Variants in HAGH observed in about 807,000 individuals in gnomAD.
HAGH encodes hydroxyacylglutathione hydrolase, mitochondrial.
In HAGH, 29 loss-of-function variants were observed where a neutral mutation model predicts 35.1. The observed-to-expected ratio is 0.83, with a 90% CI of 0.62 to 1.13. The LOEUF (loss-of-function observed/expected upper bound fraction) is 1.13, where lower values mean the gene tolerates loss of function less well. Among genes scored for constraint, HAGH ranks in the 50% most tolerant of loss-of-function variants. The probability of loss-of-function intolerance (pLI) is 0.00; values close to 1 mark genes in which losing one functional copy is unlikely to be tolerated. For missense variants in HAGH, 478 were observed against 419.6 expected, an observed-to-expected ratio of 1.14 and a Z score of -1.22; for synonymous variants, 225 against 176.1, an observed-to-expected ratio of 1.28 and a Z score of -2.20.
At chr16:1,814,979 G>A (rs1357406253) in intron 7 of HAGH, among the ~76,000 whole-genome samples, 1 of 150,438 alleles carries the variant, frequency 6.6e-6, no homozygotes, top group Non-Finnish European at 1.5e-5. Flanking sequence ...ATCTCACAAA[G>A]ACTTGTTTCC....
At chr16:1,809,941 A>G in intron 7 of HAGH, 108 bp from the exon 8 acceptor site, 1 of 781,156 alleles carries the variant, frequency 1.3e-6, no homozygotes, top group Admixed American at 1.9e-5. Flanking sequence ...AGGCAGATGG[A>G]TCACTTGAGC....
Position 1,819,077 on chromosome 16 carries a change from C to A in HAGH, c.541+38G>T, listed in dbSNP as rs77870008. ...CCTGGCAGGAGACACAGGGTCTTCA[C>A]GAAGAACCCCCGCCCCCACCCACAC... is the stretch of plus-strand genomic sequence containing the variant. On this transcript the variant is annotated intron_variant, in intron 5 of 8. Transcript: ENST00000397356. 186 of 1,319,766 alleles carry A rather than the reference C, an allele frequency of 1.4e-4. No homozygotes were observed. The African/African-American group carries it at 2.4e-3, about 17-fold the overall frequency. 81.8% of individuals were successfully genotyped at this position (1,319,766 alleles called of 1,614,324 possible).
Position 1,819,764 on chromosome 16 carries a change from G to A in HAGH, c.432+133C>T, listed in dbSNP as rs529662158. ...TGCCTAGACAGAGAAGACCATCCAC[G>A]CTGCCACAGAGGACCACTGAGAGCA... On this transcript the variant is annotated intron_variant, in intron 4 of 8. Transcript: ENST00000397356. 298 of 692,280 alleles carry A rather than the reference G, an allele frequency of 4.3e-4. 1 individual carries two copies. The highest frequency in any genetic ancestry group is 4.3e-3 in the African/African-American group (241 of 56,588). 42.9% of individuals were successfully genotyped at this position (692,280 alleles called of 1,614,324 possible).
chr16:1,816,114 G>A lies in HAGH; in HGVS notation c.747+779C>T, dbSNP rs910356605. The stretch of plus-strand genomic sequence containing the variant: ...AGCCACCACGCCCGGCCAGCAGGGA[G>A]AATTTCTTGAACCCGGGAGGTGCTG... On this transcript the variant is annotated intron_variant, in intron 7 of 8. Transcript: ENST00000397356. 1.4e-4 allele frequency among the ~76,000 whole-genome samples: 20 copies of A among 146,254 alleles called. No individual in the cohort carries two copies. The South Asian group carries it at 2.7e-3, about 20-fold the overall frequency.
At chr16:1,822,196 A>C (rs1898182074) in intron 3 of HAGH, 104 bp downstream of exon 3, 4 of 754,308 alleles carry the variant, frequency 5.3e-6, no homozygotes. Flanking sequence ...TTGTCCTCAC[A>C]AAGCAGACAG....
intron 7 of HAGH, among the ~76,000 whole-genome samples, chr16:1,813,020 G>A (rs1490357775): frequency 1.3e-5 from 2 of 152,210 alleles, no homozygotes; most frequent in Non-Finnish European, 2.9e-5. Context: ...CTCCCGTCCA[G>A]CCCGGCCACT....
intron 2 of HAGH, 63 bp from the exon 3 acceptor site, chr16:1,822,427 T>C: frequency 8.1e-7 from 1 of 1,228,802 alleles, no homozygotes; most frequent in Non-Finnish European, 1.2e-6. Flanking sequence ...TGCTGGCCTA[T>C]ATGGTAGGGT....
intron 1 of HAGH, among the ~76,000 whole-genome samples, chr16:1,825,103 G>A (rs1234817128): frequency 6.6e-6 from 1 of 152,042 alleles, no homozygotes; most frequent in Non-Finnish European, 1.5e-5. Flanking sequence ...CGGATCGCGG[G>A]GTCAGGAGTT....
chr16:1,819,131 G>A lies in HAGH; in HGVS notation c.525C>T (p.Pro175=), dbSNP rs1481680303. 6.2e-7 allele frequency: 1 copy of A among 1,609,402 alleles called. No individual in the cohort carries two copies. Among genetic ancestry groups the A allele is most frequent in the Non-Finnish European group, 8.5e-7 (1 of 1,176,366 alleles). ...AACACGCACCTGTGAACACGGCAGG[G>A]GGCTCCGAGCCTCCGGGCTTGCTCA... ...YFVSKPGGSE[P]PAVFTGDTLF... is the part of the protein sequence containing the mutation. Residue 175 remains proline, a synonymous_variant, in exon 5 of 9, where the codon CCC becomes CCT. Coordinates refer to ENST00000397356, the MANE Select transcript of HAGH (RefSeq NM_005326.6).
chr16:1,814,670 C>T (rs1043994409), intron 7 of HAGH, among the ~76,000 whole-genome samples: 2 of 149,492 alleles, frequency 1.3e-5, no homozygotes, highest in Admixed American at 6.6e-5. Context: ...GAGGCCGAGG[C>T]GGGTGGATCA....
At chr16:1,825,266 C>T (rs1306416857) in intron 1 of HAGH, among the ~76,000 whole-genome samples, 2 of 152,126 alleles carry the variant, frequency 1.3e-5, no homozygotes, top group Non-Finnish European at 1.5e-5. Flanking sequence ...TGCAGTGAGC[C>T]GAGATTGGCC....
At position 1,809,087 on chromosome 16, in the gene HAGH, A is replaced by T; in HGVS notation, c.*196T>A. Reference sequence around the variant, plus strand: ...AGAGGCCTAAAGGCCAGAAGAAAACAGTCTGCAAGGGGAAGTTATGGGAAT... The same window carrying T: ...AGAGGCCTAAAGGCCAGAAGAAAACTGTCTGCAAGGGGAAGTTATGGGAAT... On this transcript the variant is annotated 3_prime_UTR_variant, in exon 9 of 9. Transcript: ENST00000397356. The T allele has an allele frequency of 1.8e-6, 1 of 545,542 alleles. No individual in the cohort carries two copies. Among genetic ancestry groups the T allele is most frequent in the Middle Eastern group, 3.4e-4 (1 of 2,976 alleles). The allele number at this position is 545,542 out of a possible 1,614,324, so 33.8% of individuals were successfully genotyped here.
At chr16:1,814,384 G>C (rs191400997) in intron 7 of HAGH, among the ~76,000 whole-genome samples, 2 of 151,634 alleles carry the variant, frequency 1.3e-5, no homozygotes, top group African/African-American at 4.8e-5. Flanking sequence ...TGAGGCAGGA[G>C]AATCGCTTAA....
In HAGH at chr16:1,809,006, T is replaced by G; in HGVS notation, c.*277A>C. The G allele has an allele frequency of 4.6e-6, 2 of 438,778 alleles. No individual in the cohort carries two copies. The highest frequency in any genetic ancestry group is 4.1e-6 in the Non-Finnish European group (1 of 243,522). 27.2% of individuals were successfully genotyped at this position (438,778 alleles called of 1,614,324 possible). A position where few individuals can be genotyped will look rare whatever the true frequency, so the allele number is the denominator to read the frequency against. On this transcript the variant is annotated 3_prime_UTR_variant, in exon 9 of 9. Transcript: ENST00000397356. ...ACCGGCTCACGCCTGACCTGAAGCG[T>G]GGGTGGGGGGACTGCAGTGGCTCAC...
rs569628031 is a variant in HAGH at position 1,807,853 on chromosome 16, G to A, written c.*1430C>T. Reference sequence around the variant, plus strand: ...GGGGAGGGCATGCATGTGGTCTGAAGTGCAGTGCCAGCCTTCCTCTTCAAT... The same window carrying A: ...GGGGAGGGCATGCATGTGGTCTGAAATGCAGTGCCAGCCTTCCTCTTCAAT... On this transcript the variant is annotated 3_prime_UTR_variant, in exon 9 of 9. Transcript: ENST00000397356. 1.3e-5 allele frequency: 2 copies of A among 151,866 alleles called. No individual in the cohort carries two copies. Among genetic ancestry groups the A allele is most frequent in the South Asian group, 2.1e-4 (1 of 4,808 alleles). The allele number at this position is 151,866 out of a possible 1,614,324, so 9.4% of individuals were successfully genotyped here.
In HAGH at chr16:1,808,427, A is replaced by T. The variant is rs1485108338; in HGVS notation, c.*856T>A. Reference sequence around the variant, plus strand: ...ACCATTCTCCTGCCTTAGCCTCCCGAGTAGCCGGGACTACAGGTGTCTGCC... The same window carrying T: ...ACCATTCTCCTGCCTTAGCCTCCCGTGTAGCCGGGACTACAGGTGTCTGCC... On this transcript the variant is annotated 3_prime_UTR_variant, in exon 9 of 9. Coordinates refer to ENST00000397356, the MANE Select transcript of HAGH (RefSeq NM_005326.6). The T allele has an allele frequency of 6.6e-6, 1 of 151,632 alleles. No individual in the cohort carries two copies. Among genetic ancestry groups the T allele is most frequent in the Non-Finnish European group, 1.5e-5 (1 of 67,958 alleles). The allele number at this position is 151,632 out of a possible 1,614,324, so 9.4% of individuals were successfully genotyped here.
intron 4 of HAGH, among the ~76,000 whole-genome samples, chr16:1,819,519 C>G (rs1898051229): frequency 1.3e-5 from 2 of 152,240 alleles, no homozygotes; most frequent in African/African-American, 4.8e-5. Flanking sequence ...GGCTTTCCTT[C>G]CCACACATGG....
intron 7 of HAGH, among the ~76,000 whole-genome samples, chr16:1,816,214 TA>T (rs796466016): frequency 1.0e-3 from 139 of 133,986 alleles, no homozygotes; most frequent in Admixed American, 1.2e-3. Flanking sequence ...AAAAAAAAAT[TA>T]AAAAAAAAAA....
chr16:1,817,014 G>A lies in HAGH; in HGVS notation c.646-20C>T. ...GACTCTCTGAGGAGAGAGGTGACAG[G>A]TGAGCTCGGAAGGCTGTTACCACCT... On this transcript the variant is annotated intron_variant, in intron 6 of 8. Coordinates refer to ENST00000397356, the MANE Select transcript of HAGH (RefSeq NM_005326.6). The A allele has an allele frequency of 6.4e-7, 1 of 1,550,948 alleles. No individual in the cohort carries two copies. Among genetic ancestry groups the A allele is most frequent in the Non-Finnish European group, 8.9e-7 (1 of 1,122,508 alleles).
Sources: allele counts gnomAD v4.1 joint callset (sites outside exome capture counted in the v4.1 genomes callset), GRCh38; gene constraint gnomAD v4.1.1; transcripts MANE v1.5; gene names NCBI Gene and HGNC (gene_info 2026-07-23, HGNC 2026-07-21).